The following ABCC1 variants were observed in gnomAD, a reference collection of about 807,000 sequenced individuals.
ABCC1 encodes the protein multidrug resistance-associated protein 1.
In ABCC1, 83 loss-of-function variants were observed where a neutral mutation model predicts 172.9. The observed-to-expected ratio is 0.48, with a 90% CI of 0.40 to 0.58. The LOEUF (loss-of-function observed/expected upper bound fraction) is 0.58. Among genes scored for constraint, ABCC1 ranks in the 20% least tolerant of loss-of-function variants. The pLI is 0.00. For missense variants in ABCC1, 1,817 were observed against 2,002.7 expected (o/e 0.91, Z 1.77); for synonymous variants, 937 against 825.2 (o/e 1.14, Z -2.32).
chr16:16,083,672 G>C, intron 17 of ABCC1, 130 bp downstream of exon 17: 3 of 1,178,914 alleles, frequency 2.5e-6, no homozygotes, highest in Non-Finnish European at 3.6e-6. Flanking sequence ...GGGCGGCTCT[G>C]CTGCACGCTG....
At chr16:15,984,747 A>G (rs547761908) in intron 1 of ABCC1, among the ~76,000 whole-genome samples, 2 of 152,288 alleles carry the variant, frequency 1.3e-5, no homozygotes, top group South Asian at 4.1e-4. Flanking sequence ...CCCGGCCTAT[A>G]TATGTATTAT....
At chr16:15,955,670 G>T (rs2045980381) in intron 1 of ABCC1, among the ~76,000 whole-genome samples, 1 of 151,942 alleles carries the variant, frequency 6.6e-6, no homozygotes, top group African/African-American at 2.4e-5. Context: ...ACTTTGTTCA[G>T]GTGTCACCTC....
At chr16:15,965,971 C>T (rs2046233582) in intron 1 of ABCC1, among the ~76,000 whole-genome samples, 1 of 152,108 alleles carries the variant, frequency 6.6e-6, no homozygotes, top group Non-Finnish European at 1.5e-5. Flanking sequence ...AGATGATGTT[C>T]TCAGGAGTGG....
chr16:16,032,991 A>AC (rs1333874035), intron 5 of ABCC1, 118 bp from the exon 6 acceptor site: 17 of 948,420 alleles, frequency 1.8e-5, no homozygotes, highest in Non-Finnish European at 2.5e-5. Context: ...TGTGGAGCTG[A>AC]CGCTAGTCCT....
intron 10 of ABCC1, among the ~76,000 whole-genome samples, chr16:16,049,050 T>G (rs1243100674): frequency 6.6e-6 from 1 of 151,918 alleles, no homozygotes; most frequent in Non-Finnish European, 1.5e-5. Flanking sequence ...CTCAGAAATC[T>G]GGGGACTAGC....
rs2046167954 is a variant in ABCC1, at chr16:16,142,663, G to T, written c.*1382G>T. 6.6e-6 allele frequency: 1 copy of T among 152,098 alleles called. No homozygotes were observed. The highest frequency in any genetic ancestry group is 2.4e-5 in the African/African-American group (1 of 41,390). 9.4% of individuals were successfully genotyped at this position (152,098 alleles called of 1,614,324 possible). On this transcript the variant is annotated 3_prime_UTR_variant, in exon 31 of 31. Transcript: ENST00000399410. The stretch of plus-strand genomic sequence containing the variant: ...CAGTCTCAAAACTTGAACTTCTTGG[G>T]AATAGAAGTGTTGGGCTGAGAAGTA...
intron 23 of ABCC1, among the ~76,000 whole-genome samples, chr16:16,115,981 C>T (rs981457702): frequency 4.0e-5 from 6 of 151,860 alleles, no homozygotes; most frequent in Non-Finnish European, 8.8e-5. Context: ...CGGCTCACTG[C>T]AAGCTCCACC....
chr16:16,008,940 T>TG (rs956158619), intron 2 of ABCC1, among the ~76,000 whole-genome samples: 2 of 124,120 alleles, frequency 1.6e-5, no homozygotes, highest in East Asian at 2.2e-4. Context: ...TGTTTTTTTT[T>TG]TTTTTGTTGT....
intron 18 of ABCC1, among the ~76,000 whole-genome samples, chr16:16,087,921 A>G (rs116941979): frequency 0.015 from 2,314 of 152,300 alleles, 26 homozygotes; most frequent in Non-Finnish European, 0.025. Flanking sequence ...AAATAGGGTT[A>G]TCTTGTTCCA....
Position 16,114,977 on chromosome 16 carries a change from C to T in ABCC1, c.3291C>T (p.Ser1097=), listed in dbSNP as rs138611024. ...AGGTCATCAAGATGTTCATGGGCTC[C>T]CTGTTCAACGTCATTGGTGCCTGCA... is the stretch of plus-strand genomic sequence containing the variant. ...IPEVIKMFMG[S]LFNVIGACIV... is the part of the protein sequence containing the mutation. The change falls in exon 23 of 31, where the codon TCC becomes TCT. Residue 1097 remains serine (S), a synonymous_variant. Coordinates refer to ENST00000399410, the MANE Select transcript of ABCC1 (RefSeq NM_004996.4). The T allele has an allele frequency of 3.6e-5, 58 of 1,614,198 alleles. No homozygotes were observed. The highest frequency in any genetic ancestry group is 4.7e-5 in the Non-Finnish European group (56 of 1,180,032).
intron 12 of ABCC1, among the ~76,000 whole-genome samples, chr16:16,056,986 G>A (rs2049684058): frequency 6.6e-6 from 1 of 152,096 alleles, no homozygotes; most frequent in Non-Finnish European, 1.5e-5. Flanking sequence ...GTCACAAAGT[G>A]TGGATTGTCA....
chr16:16,104,114 G>C (rs553424631), intron 20 of ABCC1, among the ~76,000 whole-genome samples: 1 of 152,036 alleles, frequency 6.6e-6, no homozygotes, highest in Admixed American at 6.6e-5. Flanking sequence ...AGACCTTGAT[G>C]GTGAGTGTTA....
rs540604324 is a variant in ABCC1, at chr16:16,119,169, A to G, written c.3391-2806A>G. Among the ~76,000 whole-genome samples, 16 of 152,334 alleles carry G rather than the reference A, an allele frequency of 1.1e-4. 1 individual carries two copies. In the South Asian group the frequency reaches 3.1e-3, roughly 30 times the overall value. On this transcript the variant is annotated intron_variant, in intron 23 of 30. Coordinates refer to ENST00000399410, the MANE Select transcript of ABCC1 (RefSeq NM_004996.4). ...ATTTATATGAAGTTCGGTCGGGTGC[A>G]GTGGCTCATGCCTTTAATCCCAGCC...
At chr16:16,026,346 A>C (rs1218715748) in intron 5 of ABCC1, among the ~76,000 whole-genome samples, 1 of 145,636 alleles carries the variant, frequency 6.9e-6, no homozygotes, top group Non-Finnish European at 1.5e-5. Context: ...AGGCAGGAGA[A>C]CTGTTTCAAT....
Position 15,968,104 on chromosome 16 carries a change from G to A in ABCC1, c.48+18305G>A, listed in dbSNP as rs149696741. ...CTGGAGTACAGTGATCTCGGCTCAC[G>A]GCAACCTCCACCTCCCAAGTTCAAG... is the stretch of plus-strand genomic sequence containing the variant. On this transcript the variant is annotated intron_variant, in intron 1 of 30. Transcript: ENST00000399410. Among the ~76,000 whole-genome samples, 970 of 152,104 alleles carry A rather than the reference G, an allele frequency of 6.4e-3. 11 individuals carry two copies. The highest frequency in any genetic ancestry group is 0.023 in the African/African-American group (945 of 41,492).
chr16:16,125,554 A>G (rs1401136341), intron 25 of ABCC1, among the ~76,000 whole-genome samples: 2 of 151,810 alleles, frequency 1.3e-5, no homozygotes, highest in Admixed American at 1.3e-4. Flanking sequence ...TCAGCCTCCC[A>G]AATAGCTGGG....
chr16:16,087,082 C>G (rs538334430), intron 18 of ABCC1, 91 bp downstream of exon 18: 1 of 1,405,010 alleles, frequency 7.1e-7, no homozygotes, highest in East Asian at 2.4e-5. Context: ...TTTACTTTCT[C>G]TGGCTTTCTT....
chr16:15,999,098 T>C (rs1251563563), intron 1 of ABCC1, among the ~76,000 whole-genome samples: 2 of 152,138 alleles, frequency 1.3e-5, no homozygotes, highest in Non-Finnish European at 2.9e-5. Context: ...CCTTCTGGGT[T>C]CATGCCATTC....
At chr16:15,959,402 T>G (rs1213678065) in intron 1 of ABCC1, among the ~76,000 whole-genome samples, 1 of 152,202 alleles carries the variant, frequency 6.6e-6, no homozygotes, top group Admixed American at 6.5e-5. Flanking sequence ...CATAGCTCAC[T>G]GCAGCCTCGA....
Sources: gnomAD v4.1 joint callset for allele counts (sites outside exome capture counted in the v4.1 genomes callset) on GRCh38, gnomAD v4.1.1 for gene constraint, MANE v1.5 for transcripts, NCBI Gene and HGNC (gene_info 2026-07-23, HGNC 2026-07-21) for gene names.